The following RPL18A variants were observed in gnomAD, a reference collection of about 807,000 sequenced individuals.
The protein encoded by RPL18A is large ribosomal subunit protein eL20.
For synonymous variants in RPL18A, 122 were observed against 96.9 expected (o/e 1.26, Z -1.52); for missense variants, 163 against 254.1 (o/e 0.64, Z 2.44).
chr19:17,861,922 T>A, intron 2 of RPL18A, 172 bp from the exon 3 acceptor site: 3 of 716,392 alleles, frequency 4.2e-6, no homozygotes, highest in Non-Finnish European at 4.5e-6. Context: ...TACCTCACGC[T>A]CCCTGAGGAT....
In RPL18A at chr19:17,860,038, A is replaced by G. The variant is rs1428450130; in HGVS notation, c.18+64A>G. ...GGCACGGGCCCCATCAGGGGCCTGC[A>G]TAAGTGGCGTGGGCCGGGTTGGTGC... On this transcript the variant is annotated intron_variant, in intron 1 of 4. Coordinates refer to ENST00000222247, the MANE Select transcript of RPL18A (RefSeq NM_000980.4). 18 of 1,412,164 alleles carry G rather than the reference A, an allele frequency of 1.3e-5. No individual in the cohort carries two copies. In the Admixed American group the frequency reaches 4.1e-4, roughly 32 times the overall value. 87.5% of individuals were successfully genotyped at this position (1,412,164 alleles called of 1,614,324 possible).
chr19:17,862,108 C>T lies in RPL18A; in HGVS notation c.213C>T (p.Ser71=), dbSNP rs746140974. Residue 71 remains serine, a synonymous_variant, in exon 3 of 5, where the codon TCC becomes TCT. Coordinates refer to ENST00000222247, the MANE Select transcript of RPL18A (RefSeq NM_000980.4). The part of the protein sequence containing the change: ...IVYCGQVFEK[S]PLRVKNFGIW... Reference sequence around the variant, plus strand: ...CTCCTTGGCAGGTGTTTGAGAAGTCCCCCCTGCGGGTGAAGAACTTCGGGA... The same window carrying T: ...CTCCTTGGCAGGTGTTTGAGAAGTCTCCCCTGCGGGTGAAGAACTTCGGGA... 1.1e-5 allele frequency: 18 copies of T among 1,611,924 alleles called. No individual in the cohort carries two copies. Among genetic ancestry groups the T allele is most frequent in the African/African-American group, 2.7e-5 (2 of 74,840 alleles).
chr19:17,862,470 A>G, intron 3 of RPL18A: 1 of 674,306 alleles, frequency 1.5e-6, no homozygotes, highest in Non-Finnish European at 2.7e-6. Flanking sequence ...TGGGATCCAC[A>G]TCACCACTGT....
intron 3 of RPL18A, 39 bp downstream of exon 3, chr19:17,862,262 C>A (rs367760443): frequency 1.2e-6 from 2 of 1,607,226 alleles, no homozygotes; most frequent in Non-Finnish European, 8.5e-7. Context: ...TTAGACCCTC[C>A]TTGACTCCCT....
intron 2 of RPL18A, 31 bp from the exon 3 acceptor site, chr19:17,862,063 C>T: frequency 6.2e-7 from 1 of 1,608,656 alleles, no homozygotes; most frequent in Non-Finnish European, 8.5e-7. Flanking sequence ...GCTTGCTGCT[C>T]TCACATCTCC....
chr19:17,860,099 C>T (rs970655558), intron 1 of RPL18A, 125 bp downstream of exon 1: 1 of 838,328 alleles, frequency 1.2e-6, no homozygotes, highest in Non-Finnish European at 1.7e-6. Context: ...TGGCCGCGCG[C>T]CGCCTTCTCT....
In RPL18A at chr19:17,862,116, G is replaced by A. The variant is rs2094278540; in HGVS notation, c.221G>A (p.Arg74Gln). The A allele has an allele frequency of 4.3e-6, 7 of 1,612,016 alleles. No homozygotes were observed. Among genetic ancestry groups the A allele is most frequent in the African/African-American group, 2.7e-5 (2 of 74,860 alleles). ...CAGGTGTTTGAGAAGTCCCCCCTGC[G>A]GGTGAAGAACTTCGGGATCTGGCTG... The part of the protein sequence containing the change: ...CGQVFEKSPL[R>Q]VKNFGIWLRY... Residue 74 changes from arginine (R) to glutamine (Q), a missense_variant, in exon 3 of 5, where the codon CGG (arginine) becomes CAG (glutamine). By Grantham distance (43) the Arg-to-Gln change is conservative. Coordinates refer to ENST00000222247, the MANE Select transcript of RPL18A (RefSeq NM_000980.4).
chr19:17,862,505 A>T, intron 3 of RPL18A: 1 of 695,552 alleles, frequency 1.4e-6, no homozygotes, highest in East Asian at 2.7e-5. Flanking sequence ...TGAGAACCGA[A>T]TTGAACCCCT....
In RPL18A at chr19:17,862,488, G is replaced by A; in HGVS notation, c.328+265G>A. On this transcript the variant is annotated intron_variant, in intron 3 of 4. Coordinates refer to ENST00000222247, the MANE Select transcript of RPL18A (RefSeq NM_000980.4). ...GATCCACATCACCACTGTTTTCTGG[G>A]ACCCACTGAGAACCGAATTGAACCC... 4 of 680,780 alleles carry A rather than the reference G, an allele frequency of 5.9e-6. No homozygotes were observed. The Admixed American group carries it at 6.0e-5, about 10-fold the overall frequency. The allele number at this position is 680,780 out of a possible 1,614,324, so 42.2% of individuals were successfully genotyped here. A position where few individuals can be genotyped will look rare whatever the true frequency, so the allele number is the denominator to read the frequency against.
At chr19:17,860,159 T>G in intron 1 of RPL18A, 185 bp downstream of exon 1, 1 of 551,740 alleles carries the variant, frequency 1.8e-6, no homozygotes, top group Non-Finnish European at 3.1e-6. Flanking sequence ...GAGAGAGCGA[T>G]GCGTGACCTG....
chr19:17,862,673 G>C lies in RPL18A; in HGVS notation c.329-245G>C, dbSNP rs1345389957. On this transcript the variant is annotated intron_variant, in intron 3 of 4. Transcript: ENST00000222247. ...CAGCAAGCGGATCTTGTCGCCTTTG[G>C]GGGGCTGTGGCCGTGCCCCTCAAAG... The C allele has an allele frequency of 4.0e-6, 3 of 752,062 alleles. No individual in the cohort carries two copies. In the Admixed American group the frequency reaches 5.1e-5, roughly 13 times the overall value. The allele number at this position is 752,062 out of a possible 1,614,324, so 46.6% of individuals were successfully genotyped here.
Position 17,861,214 on chromosome 19 carries a change from G to C in RPL18A, c.19-79G>C, listed in dbSNP as rs2094276668. On this transcript the variant is annotated intron_variant, in intron 1 of 4. Transcript: ENST00000222247. Reference sequence around the variant, plus strand: ...CTGCTTCCCGAATCTGTGGTCACTAGATGTAGGAAAGGGAGTGAGGTGGAT... The same window carrying C: ...CTGCTTCCCGAATCTGTGGTCACTACATGTAGGAAAGGGAGTGAGGTGGAT... 3 of 1,352,782 alleles carry C rather than the reference G, an allele frequency of 2.2e-6. No homozygotes were observed. In the East Asian group the frequency reaches 7.2e-5, roughly 33 times the overall value. 83.8% of individuals were successfully genotyped at this position (1,352,782 alleles called of 1,614,324 possible).
In RPL18A at chr19:17,863,181, T is replaced by A; in HGVS notation, c.449T>A (p.Ile150Asn). 5 of 1,612,892 alleles carry A rather than the reference T, an allele frequency of 3.1e-6. No individual in the cohort carries two copies. The highest frequency in any genetic ancestry group is 4.2e-6 in the Non-Finnish European group (5 of 1,179,526). ...PAVKQFHDSKIKFPLPHRVLR... is the reference protein window; with the variant it reads ...PAVKQFHDSKNKFPLPHRVLR... ...CTCCCTTCCTCACAGGACTCCAAGATCAAGTTCCCGCTGCCCCACCGGGTC... is the reference window on the plus strand; with the variant it reads ...CTCCCTTCCTCACAGGACTCCAAGAACAAGTTCCCGCTGCCCCACCGGGTC... The change falls in exon 5 of 5, where the codon ATC becomes AAC. Residue 150 changes from isoleucine (I) to asparagine (N), a missense_variant. By Grantham distance (149) the Ile-to-Asn change is moderately radical. Coordinates refer to ENST00000222247, the MANE Select transcript of RPL18A (RefSeq NM_000980.4).
intron 4 of RPL18A, 34 bp downstream of exon 4, chr19:17,863,061 T>C (rs1248786772): frequency 6.3e-7 from 1 of 1,575,390 alleles, no homozygotes; most frequent in Admixed American, 1.7e-5. Flanking sequence ...TGGAGGGAAG[T>C]GCCTGCTCTG....
At chr19:17,860,852 C>G in intron 1 of RPL18A, 1 of 184,198 alleles carries the variant, frequency 5.4e-6, no homozygotes, top group South Asian at 8.9e-5. Flanking sequence ...AGGTCTTGTC[C>G]TAGTTCTGCC....
At chr19:17,861,096 C>T (rs1763327133) in intron 1 of RPL18A, 197 bp from the exon 2 acceptor site, 3 of 589,148 alleles carry the variant, frequency 5.1e-6, no homozygotes, top group Admixed American at 3.0e-5. Flanking sequence ...AGACCTCCCT[C>T]TCCTCAGTTC....
intron 3 of RPL18A, 66 bp downstream of exon 3, chr19:17,862,289 A>G (rs1465091963): frequency 1.3e-6 from 2 of 1,579,120 alleles, no homozygotes; most frequent in African/African-American, 2.7e-5. Context: ...GAGGCAGGGC[A>G]AGTGCCAGAG....
rs1222207227 is a variant in RPL18A at position 17,861,272 on chromosome 19, C to G, written c.19-21C>G. 3.1e-6 allele frequency: 5 copies of G among 1,612,714 alleles called. No individual in the cohort carries two copies. The Admixed American group carries it at 8.3e-5, about 27-fold the overall frequency. On this transcript the variant is annotated intron_variant, in intron 1 of 4. Transcript: ENST00000222247. ...GTTGCCTCTGGGTGCTGGCCTTACC[C>G]TCACTCCTGTTTCCTTTCAGCTACG...
At chr19:17,861,009 C>T (rs2147715354) in intron 1 of RPL18A, 2 of 469,364 alleles carry the variant, frequency 4.3e-6, no homozygotes, top group South Asian at 5.7e-5. Flanking sequence ...GGCTGTGGGT[C>T]TAAGCCACAG....
Sources: gnomAD v4.1 joint callset for allele counts on GRCh38, gnomAD v4.1.1 for gene constraint, MANE v1.5 for transcripts, NCBI Gene and HGNC (gene_info 2026-07-23, HGNC 2026-07-21) for gene names.